Variants in PRKCE observed in about 807,000 individuals in gnomAD.
PRKCE encodes protein kinase C epsilon type.
PRKCE carries 16 observed loss-of-function variants against 85.4 expected under a neutral mutation model. The observed-to-expected ratio is 0.19, with a 90% CI of 0.13 to 0.28. The LOEUF is 0.28. Ranked by LOEUF, PRKCE falls within the 10% of genes least tolerant of loss-of-function variation. The pLI is 1.00. For synonymous variants in PRKCE, 388 were observed against 371.5 expected (o/e 1.04, Z -0.51); for missense variants, 573 against 975.2 (o/e 0.59, Z 5.49).
intron 10 of PRKCE, among the ~76,000 whole-genome samples, chr2:46,080,575 A>T (rs2103837526): frequency 6.6e-6 from 1 of 152,340 alleles, no homozygotes; most frequent in Non-Finnish European, 1.5e-5. Flanking sequence ...AACCCACTAT[A>T]TGCCTGGCTC....
chr2:45,844,306 G>A (rs554165675), intron 2 of PRKCE, among the ~76,000 whole-genome samples: 1 of 152,124 alleles, frequency 6.6e-6, no homozygotes, highest in Non-Finnish European at 1.5e-5. Context: ...TCCAAAATTG[G>A]TTGCTTACAT....
intron 3 of PRKCE, 26 bp from the exon 4 acceptor site, chr2:45,978,950 T>TA (rs751383227): frequency 5.3e-5 from 85 of 1,596,864 alleles, no homozygotes; most frequent in Non-Finnish European, 6.4e-5. Flanking sequence ...TCACTTTTTT[T>TA]AAAAAAATGT....
At chr2:45,830,033 A>G (rs1044199947) in intron 1 of PRKCE, among the ~76,000 whole-genome samples, 1 of 143,960 alleles carries the variant, frequency 6.9e-6, no homozygotes, top group Admixed American at 7.3e-5. Flanking sequence ...AGATCGCGCC[A>G]CTGCACTCCA....
intron 11 of PRKCE, among the ~76,000 whole-genome samples, chr2:46,144,585 G>A (rs892779375): frequency 1.3e-5 from 2 of 152,180 alleles, no homozygotes; most frequent in Non-Finnish European, 2.9e-5. Flanking sequence ...CTCACTGCCT[G>A]CACTAGCTGT....
intron 10 of PRKCE, among the ~76,000 whole-genome samples, chr2:46,019,388 G>A (rs1036215020): frequency 1.3e-5 from 2 of 152,076 alleles, no homozygotes; most frequent in East Asian, 3.8e-4. Context: ...TCCTGTCCAG[G>A]GTGGTTCCCC....
intron 10 of PRKCE, chr2:46,073,586 C>G (rs952178908): frequency 1.3e-5 from 2 of 152,086 alleles, no homozygotes; most frequent in Non-Finnish European, 2.9e-5. Flanking sequence ...GTGTCTGACA[C>G]CACACTGACC....
chr2:46,129,579 A>G (rs1674211374), intron 11 of PRKCE, among the ~76,000 whole-genome samples: 1 of 152,304 alleles, frequency 6.6e-6, no homozygotes, highest in African/African-American at 2.4e-5. Flanking sequence ...GTTTTTTTCT[A>G]TGAAAAGGAG....
rs748142527 is a variant in PRKCE, at chr2:46,159,772, C to T, written c.2067+20C>T. 2.7e-5 allele frequency: 43 copies of T among 1,598,310 alleles called. No individual in the cohort carries two copies. Among genetic ancestry groups the T allele is most frequent in the East Asian group, 1.8e-4 (8 of 44,794 alleles). On this transcript the variant is annotated intron_variant, in intron 14 of 14. Transcript: ENST00000306156. The surrounding 1 kb of genome is among the most constrained non-coding windows in gnomAD (Gnocchi z 4.1). The stretch of plus-strand genomic sequence containing the variant: ...CGCATTGTAAGTTGGTCCCCGTGCA[C>T]GTTCAGCACCATGGGTCGGGCCCAG...
intron 2 of PRKCE, among the ~76,000 whole-genome samples, chr2:45,904,946 G>A (rs903829087): frequency 6.6e-6 from 1 of 152,186 alleles, no homozygotes; most frequent in Non-Finnish European, 1.5e-5. Flanking sequence ...CACGTGTGAG[G>A]TCCCGGGCGT....
At chr2:45,983,900 G>A (rs1189944378) in intron 5 of PRKCE, among the ~76,000 whole-genome samples, 1 of 151,672 alleles carries the variant, frequency 6.6e-6, no homozygotes, top group Non-Finnish European at 1.5e-5. Context: ...TTTTGCCTAG[G>A]TGGGGCTTCC....
At chr2:46,009,865 A>C (rs10195321) in intron 9 of PRKCE, among the ~76,000 whole-genome samples, 1 of 152,078 alleles carries the variant, frequency 6.6e-6, no homozygotes, top group African/African-American at 2.4e-5. Context: ...AGTTAAAAAT[A>C]GTTACATTAT....
At chr2:45,794,876 C>A (rs1487853295) in intron 1 of PRKCE, among the ~76,000 whole-genome samples, 1 of 72,912 alleles carries the variant, frequency 1.4e-5, no homozygotes, top group Non-Finnish European at 2.7e-5. Flanking sequence ...TTCTTTTTTT[C>A]TTAACGGGAG....
intron 1 of PRKCE, among the ~76,000 whole-genome samples, chr2:45,744,413 TTTTCTTTC>T (rs1164620024): frequency 0.074 from 8,687 of 117,406 alleles, 874 homozygotes; most frequent in Non-Finnish European, 0.095. Context: ...CTTTCTTTTC[TTTTCTTTC>T]TTTCTTTCTT....
intron 1 of PRKCE, among the ~76,000 whole-genome samples, chr2:45,732,666 A>C (rs893175535): frequency 1.3e-5 from 2 of 152,144 alleles, no homozygotes; most frequent in Non-Finnish European, 1.5e-5. Flanking sequence ...ATAGCTTTCT[A>C]TGTGCATCTG....
At chr2:46,070,290 C>T (rs993621072) in intron 10 of PRKCE, among the ~76,000 whole-genome samples, 1 of 127,896 alleles carries the variant, frequency 7.8e-6, no homozygotes, top group South Asian at 2.1e-4. Context: ...CCTGTGTGGA[C>T]CCTCAATACA....
intron 1 of PRKCE, among the ~76,000 whole-genome samples, chr2:45,658,536 T>C (rs1675488812): frequency 6.6e-6 from 1 of 152,260 alleles, no homozygotes; most frequent in Non-Finnish European, 1.5e-5. Flanking sequence ...CACCACTCAC[T>C]AGTTGTGTGA....
intron 4 of PRKCE, 134 bp downstream of exon 4, chr2:45,979,144 C>A: frequency 1.2e-6 from 1 of 860,628 alleles, no homozygotes; most frequent in Non-Finnish European, 1.9e-6. Flanking sequence ...TTTGTTCCCA[C>A]TTGACCATTA....
intron 1 of PRKCE, among the ~76,000 whole-genome samples, chr2:45,827,928 C>T (rs1690081682): frequency 6.6e-6 from 1 of 152,074 alleles, no homozygotes; most frequent in South Asian, 2.1e-4. Context: ...CTTAGAGCAC[C>T]AGCATTTTTC....
intron 14 of PRKCE, among the ~76,000 whole-genome samples, chr2:46,181,422 C>T (rs138542084): frequency 1.8e-4 from 27 of 152,214 alleles, no homozygotes; most frequent in African/African-American, 6.3e-4. Context: ...AAGTCTGTAA[C>T]GATCATGAAG....
Sources: allele counts gnomAD v4.1 joint callset (sites outside exome capture counted in the v4.1 genomes callset), GRCh38; gene constraint gnomAD v4.1.1; non-coding constraint Gnocchi (gnomAD v3.1); transcripts MANE v1.5; gene names NCBI Gene and HGNC (gene_info 2026-07-23, HGNC 2026-07-21).